The following PALS2 variants were observed in gnomAD, a reference collection of about 807,000 sequenced individuals.
PALS2 encodes protein associated with LIN7 2, MAGUK p55 family member.
A neutral mutation model predicts 61.6 loss-of-function variants in PALS2; 27 were observed. That is an observed-to-expected ratio of 0.44 (90% CI 0.32 to 0.60). PALS2 has a LOEUF of 0.60. PALS2 is among the 20% of genes least tolerant of loss of function. The pLI, the probability that PALS2 is intolerant of heterozygous loss-of-function variation, is 0.05. For missense variants in PALS2, 554 were observed against 639.4 expected, an observed-to-expected ratio of 0.87 and a Z score of 1.44; for synonymous variants, 236 against 218.6, an observed-to-expected ratio of 1.08 and a Z score of -0.70.
chr7:24,591,442 A>G (rs1200918797), intron 1 of PALS2, among the ~76,000 whole-genome samples: 3 of 152,238 alleles, frequency 2.0e-5, no homozygotes, highest in Admixed American at 6.5e-5. Flanking sequence ...TCACATTACA[A>G]TGATGAGAAG....
At chr7:24,665,886 C>A in intron 7 of PALS2, 135 bp from the exon 8 acceptor site, 2 of 978,926 alleles carry the variant, frequency 2.0e-6, no homozygotes, top group Admixed American at 2.5e-5. Context: ...AGTGGCTTAA[C>A]TCACCTCCAC....
intron 1 of PALS2, among the ~76,000 whole-genome samples, chr7:24,619,855 G>C (rs1784429249): frequency 6.6e-6 from 1 of 151,806 alleles, no homozygotes; most frequent in Non-Finnish European, 1.5e-5. Context: ...TTTGAGTTTA[G>C]ACTCTCCTTT....
At position 24,628,832 on chromosome 7, in the gene PALS2, A is replaced by G. The variant is rs547210654; in HGVS notation, c.117+5048A>G. Among the ~76,000 whole-genome samples the G allele has an allele frequency of 2.0e-5, 3 of 152,316 alleles. No homozygotes were observed. In the East Asian group the frequency reaches 5.8e-4, roughly 29 times the overall value. On this transcript the variant is annotated intron_variant, in intron 2 of 11. Coordinates refer to ENST00000222644, the MANE Select transcript of PALS2 (RefSeq NM_001303037.2). ...AAGGAAAACTACAAACCACTGCTCA[A>G]GGAAATAAGGACACAAACAAATGGA...
At chr7:24,590,295 G>A (rs1783233424) in intron 1 of PALS2, among the ~76,000 whole-genome samples, 1 of 152,088 alleles carries the variant, frequency 6.6e-6, no homozygotes, top group Non-Finnish European at 1.5e-5. Context: ...TTTTGTTACT[G>A]TTTGATGATT....
At chr7:24,657,512 T>G (rs1786483992) in intron 5 of PALS2, among the ~76,000 whole-genome samples, 1 of 152,216 alleles carries the variant, frequency 6.6e-6, no homozygotes, top group Non-Finnish European at 1.5e-5. Context: ...TTCTGTGCAC[T>G]TTGGCGAAGT....
At position 24,629,252 on chromosome 7, in the gene PALS2, A is replaced by G. The variant is rs564697656; in HGVS notation, c.117+5468A>G. Among the ~76,000 whole-genome samples, 11 of 152,332 alleles carry G rather than the reference A, an allele frequency of 7.2e-5. 2 individuals carry two copies. The highest frequency in any genetic ancestry group is 5.9e-4 in the Admixed American group (9 of 15,304). ...ACAAGCAATGGGGAAAGGATTCGCT[A>G]TTTAATAAATGATGTTGGGAAAACT... On this transcript the variant is annotated intron_variant, in intron 2 of 11. Coordinates refer to ENST00000222644, the MANE Select transcript of PALS2 (RefSeq NM_001303037.2).
intron 1 of PALS2, among the ~76,000 whole-genome samples, chr7:24,622,466 T>C (rs1275152472): frequency 6.6e-6 from 1 of 151,250 alleles, no homozygotes; most frequent in Non-Finnish European, 1.5e-5. Context: ...CATTTTTGGA[T>C]TGTTTGTCAC....
intron 3 of PALS2, among the ~76,000 whole-genome samples, chr7:24,648,143 T>A (rs2128076664): frequency 6.6e-6 from 1 of 152,254 alleles, no homozygotes; most frequent in South Asian, 2.1e-4. Context: ...AAATTACCAA[T>A]TATCCTGATT....
At chr7:24,585,603 A>AATGTAACC (rs142505588) in intron 1 of PALS2, among the ~76,000 whole-genome samples, 7,943 of 152,216 alleles carry the variant, frequency 0.052, 263 homozygotes, top group African/African-American at 0.089. Flanking sequence ...TACTCATCAG[A>AATGTAACC]ATGGAACACT....
At chr7:24,641,687 AC>A in intron 2 of PALS2, 28 bp from the exon 3 acceptor site, 2 of 1,530,924 alleles carry the variant, frequency 1.3e-6, no homozygotes, top group Non-Finnish European at 1.8e-6. Context: ...AATAAGTATT[AC>A]TACTTTAATA....
intron 5 of PALS2, among the ~76,000 whole-genome samples, chr7:24,659,109 G>T (rs1786581947): frequency 6.6e-6 from 1 of 152,110 alleles, no homozygotes; most frequent in Non-Finnish European, 1.5e-5. Flanking sequence ...CAATAATCTG[G>T]TTTTCTGTTC....
chr7:24,588,974 T>A (rs1219685640), intron 1 of PALS2: 1 of 152,190 alleles, frequency 6.6e-6, no homozygotes, highest in South Asian at 2.1e-4. Flanking sequence ...AATTCCAGTC[T>A]GCCTATGTAT....
chr7:24,631,801 A>G (rs953055593), intron 2 of PALS2, among the ~76,000 whole-genome samples: 1 of 152,242 alleles, frequency 6.6e-6, no homozygotes, highest in Non-Finnish European at 1.5e-5. Context: ...GACTCTGTGA[A>G]GGCTCTGATC....
At chr7:24,683,231 T>G (rs1788025442) in intron 11 of PALS2, among the ~76,000 whole-genome samples, 1 of 152,212 alleles carries the variant, frequency 6.6e-6, no homozygotes, top group Non-Finnish European at 1.5e-5. Flanking sequence ...AAGAAGAACT[T>G]TTCCTCATCA....
At chr7:24,606,679 G>A (rs993746089) in intron 1 of PALS2, among the ~76,000 whole-genome samples, 3 of 151,992 alleles carry the variant, frequency 2.0e-5, no homozygotes, top group Non-Finnish European at 4.4e-5. Flanking sequence ...TTGGGCTTAA[G>A]CAATCCTCCT....
At chr7:24,671,449 A>T (rs2128090861) in intron 9 of PALS2, among the ~76,000 whole-genome samples, 1 of 152,268 alleles carries the variant, frequency 6.6e-6, no homozygotes, top group East Asian at 1.9e-4. Context: ...TATGATTTGC[A>T]CGTATTAATA....
intron 5 of PALS2, among the ~76,000 whole-genome samples, chr7:24,656,169 G>T (rs1010824532): frequency 1.3e-5 from 2 of 152,176 alleles, no homozygotes; most frequent in Non-Finnish European, 2.9e-5. Flanking sequence ...GGTTTAAGAA[G>T]TAGGTTCAAT....
intron 2 of PALS2, among the ~76,000 whole-genome samples, chr7:24,635,979 A>C (rs146270685): frequency 0.039 from 5,937 of 152,168 alleles, 154 homozygotes; most frequent in Non-Finnish European, 0.058. Context: ...TGGGAGGCTG[A>C]GGCGGGCGGA....
intron 1 of PALS2, among the ~76,000 whole-genome samples, chr7:24,616,778 T>G (rs1194852644): frequency 6.6e-6 from 1 of 152,212 alleles, no homozygotes; most frequent in Non-Finnish European, 1.5e-5. Flanking sequence ...GGATGAGTGG[T>G]TCTCTGTAGT....
Sources: allele counts gnomAD v4.1 joint callset (sites outside exome capture counted in the v4.1 genomes callset), GRCh38; gene constraint gnomAD v4.1.1; transcripts MANE v1.5; gene names NCBI Gene and HGNC (gene_info 2026-07-23, HGNC 2026-07-21).